Variants in HPSE2 observed in about 807,000 individuals in gnomAD.
HPSE2 encodes the protein inactive heparanase-2.
In HPSE2, 38 loss-of-function variants were observed where a neutral mutation model predicts 60.5. The ratio of observed to expected loss-of-function variants is 0.63; its 90% CI spans 0.48 to 0.82. HPSE2 has a LOEUF of 0.82. HPSE2 is among the 40% of genes least tolerant of loss of function. The pLI is 0.00. For missense variants in HPSE2, 713 were observed against 740.4 expected, an observed-to-expected ratio of 0.96 and a Z score of 0.43; for synonymous variants, 295 against 293.2, an observed-to-expected ratio of 1.01 and a Z score of -0.06.
At chr10:98,986,084 G>A (rs1273504287) in intron 3 of HPSE2, among the ~76,000 whole-genome samples, 5 of 152,088 alleles carry the variant, frequency 3.3e-5, no homozygotes, top group Admixed American at 6.5e-5. Flanking sequence ...ACAGATCAAC[G>A]AGACAGAAAG....
chr10:99,313,934 G>T, the HPSE2 span, among the ~76,000 whole-genome samples: 1 of 151,908 alleles, frequency 6.6e-6, no homozygotes, highest in African/African-American at 2.4e-5. Flanking sequence ...TCTATTGTAG[G>T]TAAGATGCTA....
At chr10:98,645,283 A>C (rs188783018) in intron 6 of HPSE2, among the ~76,000 whole-genome samples, 6 of 152,364 alleles carry the variant, frequency 3.9e-5, no homozygotes, top group Admixed American at 3.9e-4. Flanking sequence ...AAAGAGGTAC[A>C]GAGAAAAGTT....
chr10:98,481,716 G>A (rs1324849234), intron 11 of HPSE2, among the ~76,000 whole-genome samples: 1 of 152,168 alleles, frequency 6.6e-6, no homozygotes, highest in African/African-American at 2.4e-5. Context: ...GTGAAACAGT[G>A]AATAATTATA....
chr10:99,275,764 G>GTGT, the HPSE2 span, among the ~76,000 whole-genome samples: 1 of 152,124 alleles, frequency 6.6e-6, no homozygotes, highest in Non-Finnish European at 1.5e-5. Flanking sequence ...AATGATTGTA[G>GTGT]TGTTTCCCCT....
At chr10:98,474,772 ACCTAT>A (rs1940929932) in intron 11 of HPSE2, among the ~76,000 whole-genome samples, 1 of 152,154 alleles carries the variant, frequency 6.6e-6, no homozygotes, top group African/African-American at 2.4e-5. Context: ...TTAATATGGA[ACCTAT>A]TAGCCCCAAA....
At chr10:98,852,332 A>C (rs1358606991) in intron 3 of HPSE2, among the ~76,000 whole-genome samples, 1 of 151,992 alleles carries the variant, frequency 6.6e-6, no homozygotes, top group South Asian at 2.1e-4. Context: ...AATCTTCCCC[A>C]AGCTTTTTGT....
chr10:98,948,246 G>C (rs556643740), intron 3 of HPSE2, among the ~76,000 whole-genome samples: 1 of 152,106 alleles, frequency 6.6e-6, no homozygotes, highest in Non-Finnish European at 1.5e-5. Flanking sequence ...GACTTCACAG[G>C]ATTTATAACA....
chr10:99,283,701 G>C, the HPSE2 span, among the ~76,000 whole-genome samples: 1 of 151,910 alleles, frequency 6.6e-6, no homozygotes, highest in Non-Finnish European at 1.5e-5. Flanking sequence ...GAATAAAAAG[G>C]CTTAAAAGAG....
At chr10:98,499,767 C>T (rs1233673091) in intron 9 of HPSE2, among the ~76,000 whole-genome samples, 1 of 152,196 alleles carries the variant, frequency 6.6e-6, no homozygotes, top group Non-Finnish European at 1.5e-5. Flanking sequence ...CAACTATCTG[C>T]TGCCTTCAAG....
chr10:98,864,298 C>T (rs1219836767), intron 3 of HPSE2, among the ~76,000 whole-genome samples: 1 of 151,966 alleles, frequency 6.6e-6, no homozygotes, highest in Admixed American at 6.6e-5. Context: ...CTTAATTGTC[C>T]TCCATGAAAT....
At chr10:98,600,911 G>GTATATATGTGTGTATATATA (rs576143051) in intron 9 of HPSE2, among the ~76,000 whole-genome samples, 48 of 73,708 alleles carry the variant, frequency 6.5e-4, no homozygotes, top group African/African-American at 1.7e-3. Context: ...ATGTGTGTGT[G>GTATATATGTGTGTATATATA]TATATATATA....
intron 3 of HPSE2, among the ~76,000 whole-genome samples, chr10:99,084,489 G>A (rs924618903): frequency 2.6e-5 from 4 of 152,032 alleles, no homozygotes; most frequent in African/African-American, 9.7e-5. Context: ...ATGTTCTCAG[G>A]GTATGGGTTT....
the HPSE2 span, among the ~76,000 whole-genome samples, chr10:99,248,481 T>C: frequency 6.6e-6 from 1 of 152,198 alleles, no homozygotes; most frequent in East Asian, 1.9e-4. Flanking sequence ...TGGCTGTTTC[T>C]AGTAGCCTAT....
chr10:99,150,753 C>A (rs1846229367), intron 2 of HPSE2, among the ~76,000 whole-genome samples: 2 of 152,148 alleles, frequency 1.3e-5, no homozygotes, highest in African/African-American at 4.8e-5. Context: ...AGGCTAAGTT[C>A]TTCACACATA....
chr10:98,827,254 G>A (rs1951571592), intron 3 of HPSE2, among the ~76,000 whole-genome samples: 1 of 152,048 alleles, frequency 6.6e-6, no homozygotes. Context: ...CGCCCAGGCT[G>A]GAGTGCAGTG....
intron 2 of HPSE2, among the ~76,000 whole-genome samples, chr10:99,195,951 C>A (rs1848382321): frequency 1.3e-5 from 2 of 152,042 alleles, no homozygotes; most frequent in African/African-American, 4.8e-5. Flanking sequence ...TACCTGACTT[C>A]ATATTATACT....
At chr10:98,487,145 T>C (rs1227977748) in intron 10 of HPSE2, among the ~76,000 whole-genome samples, 1 of 152,178 alleles carries the variant, frequency 6.6e-6, no homozygotes, top group Non-Finnish European at 1.5e-5. Flanking sequence ...GCAGAATGGC[T>C]CATAAAAAGA....
At chr10:99,206,984 T>C (rs1224081402) in intron 2 of HPSE2, among the ~76,000 whole-genome samples, 1 of 152,104 alleles carries the variant, frequency 6.6e-6, no homozygotes, top group Non-Finnish European at 1.5e-5. Flanking sequence ...GAAAGAAAGC[T>C]TATTTTAAAA....
At chr10:98,844,028 T>C (rs1951979182) in intron 3 of HPSE2, among the ~76,000 whole-genome samples, 1 of 152,188 alleles carries the variant, frequency 6.6e-6, no homozygotes, top group African/African-American at 2.4e-5. Context: ...TCTGGAGAGT[T>C]ACCCAGTGGC....
Sources: gnomAD v4.1 joint callset for allele counts (sites outside exome capture counted in the v4.1 genomes callset) on GRCh38, gnomAD v4.1.1 for gene constraint, MANE v1.5 for transcripts, NCBI Gene and HGNC (gene_info 2026-07-23, HGNC 2026-07-21) for gene names.